Variants in PID1 observed in about 807,000 individuals in gnomAD.
PID1 encodes phosphotyrosine interaction domain containing 1, also known as PTB-containing, cubilin and LRP1-interacting protein.
Under a neutral mutation model 19.1 loss-of-function variants are expected in PID1, and 10 were observed. The ratio of observed to expected loss-of-function variants is 0.52; its 90% CI spans 0.32 to 0.89. The LOEUF (loss-of-function observed/expected upper bound fraction) is 0.89. Ranked by LOEUF, PID1 falls within the 40% of genes least tolerant of loss-of-function variation. The pLI, the probability that PID1 is intolerant of heterozygous loss-of-function variation, is 0.03. For missense variants in PID1, 248 were observed against 285.3 expected (o/e 0.87, Z 0.94); for synonymous variants, 130 against 116.0 (o/e 1.12, Z -0.78).
intron 2 of PID1, among the ~76,000 whole-genome samples, chr2:229,108,187 G>C (rs1261286468): frequency 2.0e-5 from 3 of 152,206 alleles, no homozygotes; most frequent in African/African-American, 7.2e-5. Flanking sequence ...TCCTATGTAA[G>C]AGTTAGTCCC....
chr2:229,097,640 T>C (rs1694997236), intron 2 of PID1, among the ~76,000 whole-genome samples: 1 of 152,190 alleles, frequency 6.6e-6, no homozygotes, highest in East Asian at 1.9e-4. Context: ...TAATTAGGAA[T>C]AGTTCCCAAC....
chr2:229,227,159 C>T (rs536407437), intron 1 of PID1, among the ~76,000 whole-genome samples: 2 of 152,288 alleles, frequency 1.3e-5, no homozygotes, highest in East Asian at 3.9e-4. Context: ...AAATGTCAAC[C>T]TTCCTCTCCT....
rs963572910 is a variant in PID1, at chr2:229,047,158, T to C, written c.178-21050A>G. Reference sequence around the variant, plus strand: ...GCATTTCGGAGCAGCATCACATCCATGAGGGTAACACCAATGTTCATGCCA... The same window carrying C: ...GCATTTCGGAGCAGCATCACATCCACGAGGGTAACACCAATGTTCATGCCA... On this transcript the variant is annotated intron_variant, in intron 2 of 2. Coordinates refer to ENST00000392055, the MANE Select transcript of PID1 (RefSeq NM_001100818.2). Among the ~76,000 whole-genome samples, 5 of 152,302 alleles carry C rather than the reference T, an allele frequency of 3.3e-5. No individual in the cohort carries two copies. In the East Asian group the frequency reaches 5.8e-4, roughly 18 times the overall value.
At chr2:229,202,703 C>T (rs984064940) in intron 1 of PID1, among the ~76,000 whole-genome samples, 3 of 152,014 alleles carry the variant, frequency 2.0e-5, no homozygotes, top group Admixed American at 1.3e-4. Context: ...GTAATACTGA[C>T]AAAGTACATA....
intron 2 of PID1, among the ~76,000 whole-genome samples, chr2:229,033,449 A>C (rs1414845950): frequency 2.0e-5 from 3 of 152,002 alleles, no homozygotes; most frequent in African/African-American, 7.2e-5. Context: ...CAAACACTGC[A>C]TGCTCTCATT....
intron 2 of PID1, among the ~76,000 whole-genome samples, chr2:229,042,602 G>GT (rs1383872942): frequency 6.6e-6 from 1 of 152,156 alleles, no homozygotes. Context: ...GGAGGAGAGT[G>GT]TATCCAGGGA....
intron 1 of PID1, among the ~76,000 whole-genome samples, chr2:229,157,430 CAA>C (rs144446508): frequency 1.4e-4 from 17 of 125,112 alleles, no homozygotes; most frequent in Middle Eastern, 3.8e-3. Flanking sequence ...GATTCCATCT[CAA>C]AAAAAAAAAA....
At chr2:229,186,864 T>A (rs1006965279) in intron 1 of PID1, among the ~76,000 whole-genome samples, 3 of 152,208 alleles carry the variant, frequency 2.0e-5, no homozygotes, top group African/African-American at 7.2e-5. Context: ...CAAACTTTTA[T>A]GCTCTGTTTC....
chr2:229,089,220 C>A lies in PID1; in HGVS notation c.178-63112G>T, dbSNP rs1474396020. On this transcript the variant is annotated intron_variant, in intron 2 of 2. Transcript: ENST00000392055. ...ATAACTCGCACTTGCTGCTTGCCTG[C>A]AGCTATTACTTGTCTGATATTGGTA... Among the ~76,000 whole-genome samples the A allele has an allele frequency of 2.0e-5, 3 of 152,140 alleles. No individual in the cohort carries two copies. The East Asian group carries it at 5.8e-4, about 29-fold the overall frequency.
Position 229,145,155 on chromosome 2 carries a change from G to GTGTGTGTGTGTATATACATATA in PID1, c.177+10662_177+10663insTATATGTATATACACACACACA, listed in dbSNP as rs1391018424. On this transcript the variant is annotated intron_variant, in intron 2 of 2. Coordinates refer to ENST00000392055, the MANE Select transcript of PID1 (RefSeq NM_001100818.2). ...ATGCTGAGTTTAAATATATGTATGT[G>GTGTGTGTGTGTATATACATATA]TATATATATATATATATATATATAT... 5.4e-4 allele frequency among the ~76,000 whole-genome samples: 65 copies of GTGTGTGTGTGTATATACATATA among 119,938 alleles called. 1 individual carries two copies. The highest frequency in any genetic ancestry group is 2.0e-3 in the African/African-American group (63 of 31,708). 78.7% of individuals were successfully genotyped at this position (119,938 alleles called of 152,430 possible).
chr2:229,045,418 C>T (rs1184996257), intron 2 of PID1, among the ~76,000 whole-genome samples: 2 of 152,178 alleles, frequency 1.3e-5, no homozygotes, highest in East Asian at 1.9e-4. Flanking sequence ...ATGTGGCCAA[C>T]CTGATACTTA....
chr2:229,184,414 C>A (rs1215803938), intron 1 of PID1, among the ~76,000 whole-genome samples: 1 of 34,660 alleles, frequency 2.9e-5, no homozygotes, highest in Non-Finnish European at 5.3e-5. Flanking sequence ...ATATATCTAT[C>A]CCGTATATAT....
intron 1 of PID1, among the ~76,000 whole-genome samples, chr2:229,183,754 C>T (rs1690996533): frequency 6.6e-6 from 1 of 151,838 alleles, no homozygotes; most frequent in Admixed American, 6.6e-5. Context: ...GGAACCACAT[C>T]ACTGGCTATC....
At position 229,147,951 on chromosome 2, in the gene PID1, C is replaced by T. The variant is rs116595363; in HGVS notation, c.177+7867G>A. ...AGCTTTCAGGGATCTCCAGAGAGTC[C>T]CTCCATGGGACAACAGCTCTACTGC... On this transcript the variant is annotated intron_variant, in intron 2 of 2. Transcript: ENST00000392055. Among the ~76,000 whole-genome samples, 1,036 of 152,214 alleles carry T rather than the reference C, an allele frequency of 6.8e-3. 8 individuals carry two copies. The highest frequency in any genetic ancestry group is 8.1e-3 in the Non-Finnish European group (549 of 68,010).
At chr2:229,096,762 G>C (rs1389816005) in intron 2 of PID1, among the ~76,000 whole-genome samples, 1 of 152,122 alleles carries the variant, frequency 6.6e-6, no homozygotes, top group Non-Finnish European at 1.5e-5. Context: ...CATATGTTTG[G>C]TCAGAAAAGA....
intron 2 of PID1, among the ~76,000 whole-genome samples, chr2:229,031,769 G>A (rs1475394156): frequency 6.6e-6 from 1 of 152,142 alleles, no homozygotes; most frequent in Non-Finnish European, 1.5e-5. Flanking sequence ...CAGCCCTGCT[G>A]TTATCCATAA....
At chr2:229,238,064 G>A (rs1023097008) in intron 1 of PID1, among the ~76,000 whole-genome samples, 6 of 152,122 alleles carry the variant, frequency 3.9e-5, no homozygotes, top group African/African-American at 1.4e-4. Context: ...ACCCCATTAA[G>A]TTTCAATTTA....
At chr2:229,183,682 G>A (rs923783245) in intron 1 of PID1, among the ~76,000 whole-genome samples, 1 of 151,892 alleles carries the variant, frequency 6.6e-6, no homozygotes, top group Non-Finnish European at 1.5e-5. Context: ...TTTTGAGACC[G>A]CTGGCTTTTG....
intron 1 of PID1, among the ~76,000 whole-genome samples, chr2:229,178,076 C>G (rs1340475965): frequency 2.0e-5 from 3 of 152,124 alleles, no homozygotes; most frequent in Non-Finnish European, 4.4e-5. Context: ...GTTTTTACTC[C>G]CTTCTCTTTC....
Sources: gnomAD v4.1 joint callset for allele counts (sites outside exome capture counted in the v4.1 genomes callset) on GRCh38, gnomAD v4.1.1 for gene constraint, MANE v1.5 for transcripts, NCBI Gene and HGNC (gene_info 2026-07-23, HGNC 2026-07-21) for gene names.